Variants in LAMA4 observed in about 807,000 individuals in gnomAD.
The protein encoded by LAMA4 is laminin subunit alpha 4.
In LAMA4, 127 loss-of-function variants were observed where a neutral mutation model predicts 207.1. The observed-to-expected ratio is 0.61, with a 90% CI of 0.53 to 0.71. The LOEUF (loss-of-function observed/expected upper bound fraction) is 0.71, where lower values mean the gene tolerates loss of function less well. Ranked by LOEUF, LAMA4 falls within the 30% of genes least tolerant of loss-of-function variation. The pLI is 0.00. For missense variants in LAMA4, 2,093 were observed against 2,246.5 expected (o/e 0.93, Z 1.38); for synonymous variants, 761 against 816.0 (o/e 0.93, Z 1.15).
At chr6:112,190,909 TTCTTTC>T (rs1432332357) in intron 6 of LAMA4, among the ~76,000 whole-genome samples, 1 of 93,860 alleles carries the variant, frequency 1.1e-5, no homozygotes, top group Non-Finnish European at 2.2e-5. Flanking sequence ...CTTTCTTTCT[TTCTTTC>T]TTTCTTTCTT....
intron 38 of LAMA4, 137 bp from the exon 39 acceptor site, chr6:112,109,719 T>G (rs1777592518): frequency 1.1e-6 from 1 of 899,846 alleles, no homozygotes; most frequent in East Asian, 2.6e-5. Context: ...ATAGTTATAA[T>G]TGACTCATTT....
chr6:112,114,777 T>C lies in LAMA4; in HGVS notation c.5113-21A>G, dbSNP rs1562622691. The stretch of plus-strand genomic sequence containing the variant: ...ATGACCTGCAAAAGATAGGACACAT[T>C]GTATGATTTAGTTTGTCCTCATTGT... On this transcript the variant is annotated intron_variant, in intron 36 of 38. Coordinates refer to ENST00000230538, the MANE Select transcript of LAMA4 (RefSeq NM_001105206.3). 6 of 1,517,210 alleles carry C rather than the reference T, an allele frequency of 4.0e-6. No individual in the cohort carries two copies. The Admixed American group carries it at 6.7e-5, about 17-fold the overall frequency. The allele number at this position is 1,517,210 out of a possible 1,614,324, so 94.0% of individuals were successfully genotyped here. A position where few individuals can be genotyped will look rare whatever the true frequency, so the allele number is the denominator to read the frequency against.
At chr6:112,241,449 A>G (rs1417688086) in intron 2 of LAMA4, among the ~76,000 whole-genome samples, 1 of 151,868 alleles carries the variant, frequency 6.6e-6, no homozygotes, top group Non-Finnish European at 1.5e-5. Flanking sequence ...TAGCTGGGGT[A>G]TTGCTAAGGC....
chr6:112,195,256 C>T (rs1783346053), intron 5 of LAMA4, among the ~76,000 whole-genome samples: 1 of 152,014 alleles, frequency 6.6e-6, no homozygotes, highest in African/African-American at 2.4e-5. Context: ...GAACTTGTTC[C>T]AAAGTAGGTG....
intron 18 of LAMA4, among the ~76,000 whole-genome samples, 166 bp downstream of exon 18, chr6:112,147,991 T>C (rs1334557141): frequency 6.6e-6 from 1 of 152,202 alleles, no homozygotes; most frequent in East Asian, 1.9e-4. Flanking sequence ...CAGGTATAGA[T>C]AGATAGATAG....
chr6:112,225,284 G>A (rs1393685715), intron 2 of LAMA4, among the ~76,000 whole-genome samples: 3 of 151,992 alleles, frequency 2.0e-5, no homozygotes, highest in Non-Finnish European at 4.4e-5. Context: ...CTTTATCATA[G>A]CCTCTCCCAA....
intron 4 of LAMA4, among the ~76,000 whole-genome samples, chr6:112,204,744 A>G (rs1783960609): frequency 6.6e-6 from 1 of 152,214 alleles, no homozygotes; most frequent in Admixed American, 6.5e-5. Flanking sequence ...GACATACTTG[A>G]GTGAAAATAA....
Position 112,142,135 on chromosome 6 carries a change from T to A in LAMA4, c.2651A>T (p.Tyr884Phe), listed in dbSNP as rs1779732845. Residue 884 changes from tyrosine to phenylalanine, a missense_variant, in exon 20 of 39, where the codon TAC (tyrosine) becomes TTC (phenylalanine). Tyr to Phe is a conservative substitution (Grantham distance 22, BLOSUM62 3). Transcript: ENST00000230538. ...LTETADQFILYLGSKNAKKEY... is the reference protein window; with the variant it reads ...LTETADQFILFLGSKNAKKEY... The stretch of plus-strand genomic sequence containing the variant: ...TGTGCTTACGTTTTTGCTTCCGAGG[T>A]ACAGGATAAACTGATCTGCAGTCTC... The A allele has an allele frequency of 1.2e-6, 2 of 1,614,068 alleles. No individual in the cohort carries two copies. The highest frequency in any genetic ancestry group is 2.2e-5 in the South Asian group (2 of 91,076).
At chr6:112,110,147 C>G (rs782639157) in intron 38 of LAMA4, among the ~76,000 whole-genome samples, 2 of 152,210 alleles carry the variant, frequency 1.3e-5, no homozygotes, top group Non-Finnish European at 2.9e-5. Flanking sequence ...AATGATAACT[C>G]GCTTAGTCTT....
rs1554325831 is a variant in LAMA4 at position 112,120,458 on chromosome 6, A to C, written c.4490T>G (p.Ile1497Ser). ...ATGGGAGGAACGAGTTCTCAGACGA[A>C]TGGAAAACTGAGATCTGGTAAATGA... ...GDFGAKSQFS[I>S]RLRTRSSHGM... The change falls in exon 33 of 39, where the codon ATT (isoleucine) becomes AGT (serine). Residue 1497 changes from isoleucine to serine, a missense_variant. Coordinates refer to ENST00000230538, the MANE Select transcript of LAMA4 (RefSeq NM_001105206.3). 1 of 1,613,126 alleles carries C rather than the reference A, an allele frequency of 6.2e-7. No homozygotes were observed. Among genetic ancestry groups the C allele is most frequent in the South Asian group, 1.1e-5 (1 of 91,046 alleles).
intron 19 of LAMA4, among the ~76,000 whole-genome samples, chr6:112,144,318 G>A (rs1779886607): frequency 6.6e-6 from 1 of 152,212 alleles, no homozygotes; most frequent in Admixed American, 6.5e-5. Context: ...GTCAGTAAAA[G>A]CTTCTGCATA....
rs76134368 is a variant in LAMA4, at chr6:112,237,755, C to A, written c.195+16201G>T. Among the ~76,000 whole-genome samples the A allele has an allele frequency of 5.9e-5, 9 of 152,330 alleles. No homozygotes were observed. In the East Asian group the frequency reaches 1.5e-3, roughly 26 times the overall value. On this transcript the variant is annotated intron_variant, in intron 2 of 38. Coordinates refer to ENST00000230538, the MANE Select transcript of LAMA4 (RefSeq NM_001105206.3). ...CATATGACAAACCATCTTGACAGAA[C>A]CTTGGCGATGATCCCAGCATCTGTT...
chr6:112,236,115 C>T (rs1475899814), intron 2 of LAMA4: 1 of 152,204 alleles, frequency 6.6e-6, no homozygotes, highest in African/African-American at 2.4e-5. Context: ...CAACTGACCT[C>T]AGAGCCAGGA....
At chr6:112,165,826 T>G (rs1781352562) in intron 12 of LAMA4, among the ~76,000 whole-genome samples, 1 of 152,224 alleles carries the variant, frequency 6.6e-6, no homozygotes, top group Non-Finnish European at 1.5e-5. Context: ...TTATTGTAAA[T>G]GCTCAGATGT....
At chr6:112,158,642 T>C in intron 14 of LAMA4, 90 bp downstream of exon 14, 1 of 1,286,712 alleles carries the variant, frequency 7.8e-7, no homozygotes, top group Non-Finnish European at 1.1e-6. Context: ...CTGGTAAAAT[T>C]GTATCCCAGT....
chr6:112,152,140 G>T (rs1055720266), intron 16 of LAMA4, among the ~76,000 whole-genome samples: 9 of 152,178 alleles, frequency 5.9e-5, no homozygotes, highest in Admixed American at 5.9e-4. Context: ...TGTGATTCAA[G>T]TAACCAAGTT....
intron 1 of LAMA4, 81 bp downstream of exon 1, chr6:112,254,378 T>C: frequency 1.7e-6 from 1 of 580,602 alleles, no homozygotes; most frequent in Non-Finnish European, 3.1e-6. Context: ...CCCCTCTCTC[T>C]CCCTCTCCCT....
intron 16 of LAMA4, among the ~76,000 whole-genome samples, chr6:112,151,369 G>A (rs1780392083): frequency 6.6e-6 from 1 of 152,028 alleles, no homozygotes; most frequent in Non-Finnish European, 1.5e-5. Flanking sequence ...GACAGTCTTG[G>A]CTATTCTTGG....
intron 31 of LAMA4, among the ~76,000 whole-genome samples, chr6:112,124,759 C>CTT (rs36097503): frequency 4.6e-4 from 65 of 140,504 alleles, no homozygotes; most frequent in East Asian, 1.3e-3. Flanking sequence ...ATAGGGGTAT[C>CTT]TTTTTTTTTT....
Sources: gnomAD v4.1 joint callset for allele counts (sites outside exome capture counted in the v4.1 genomes callset) on GRCh38, gnomAD v4.1.1 for gene constraint, MANE v1.5 for transcripts, NCBI Gene and HGNC (gene_info 2026-07-23, HGNC 2026-07-21) for gene names.